The following DLG1 variants were observed in gnomAD, a reference collection of about 807,000 sequenced individuals.
DLG1 encodes disks large homolog 1.
DLG1 carries 42 observed loss-of-function variants against 123.4 expected under a neutral mutation model. The observed-to-expected ratio is 0.34, with a 90% confidence interval of 0.27 to 0.44. The LOEUF (loss-of-function observed/expected upper bound fraction) is 0.44, where lower values mean the gene tolerates loss of function less well. Among genes scored for constraint, DLG1 ranks in the 20% least tolerant of loss-of-function variants. The pLI, the probability that DLG1 is intolerant of heterozygous loss-of-function variation, is 1.00. For missense variants in DLG1, 942 were observed against 1,082.6 expected (o/e 0.87, Z 1.82); for synonymous variants, 317 against 356.2 (o/e 0.89, Z 1.24).
chr3:197,104,925 A>G lies in DLG1; in HGVS notation c.1524T>C (p.Ile508=), dbSNP rs766179146. 7 of 1,613,254 alleles carry G rather than the reference A, an allele frequency of 4.3e-6. No individual in the cohort carries two copies. The East Asian group carries it at 1.6e-4, about 36-fold the overall frequency. Residue 508 remains isoleucine (I), a synonymous_variant, in exon 14 of 25, where the codon ATT becomes ATC. Transcript: ENST00000667157. ...TACCTTCAGGTCGATATTGTGCAACAATTGTGACAGCCTGGCCAGCATTTT... is the reference window on the plus strand; with the variant it reads ...TACCTTCAGGTCGATATTGTGCAACGATTGTGACAGCCTGGCCAGCATTTT... ...ALKNAGQAVT[I]VAQYRPEEYS...
intron 4 of DLG1, among the ~76,000 whole-genome samples, chr3:197,228,463 T>C (rs1741110327): frequency 6.6e-6 from 1 of 152,252 alleles, no homozygotes; most frequent in Admixed American, 6.5e-5. Context: ...TCAACTATGA[T>C]AATATTGTGC....
chr3:197,143,062 A>C (rs759864091), intron 6 of DLG1, among the ~76,000 whole-genome samples: 1 of 152,212 alleles, frequency 6.6e-6, no homozygotes, highest in Non-Finnish European at 1.5e-5. Flanking sequence ...ACATCTAATC[A>C]GTTACCAACT....
intron 4 of DLG1, among the ~76,000 whole-genome samples, chr3:197,257,622 C>T (rs1206547413): frequency 6.6e-6 from 1 of 152,058 alleles, no homozygotes; most frequent in African/African-American, 2.4e-5. Flanking sequence ...CTCCAGCTTG[C>T]CTTAATGAAA....
intron 10 of DLG1, among the ~76,000 whole-genome samples, chr3:197,133,698 G>C (rs1207985700): frequency 6.6e-6 from 1 of 152,204 alleles, no homozygotes; most frequent in African/African-American, 2.4e-5. Context: ...AATGGACAAG[G>C]AGTGAGTTCT....
chr3:197,112,576 C>T (rs1006996824), intron 13 of DLG1, among the ~76,000 whole-genome samples: 5 of 151,810 alleles, frequency 3.3e-5, no homozygotes, highest in African/African-American at 9.7e-5. Context: ...TGTGGCTTGC[C>T]TATTTGGTTT....
At chr3:197,214,743 AAT>A (rs1733178486) in intron 4 of DLG1, among the ~76,000 whole-genome samples, 1 of 152,202 alleles carries the variant, frequency 6.6e-6, no homozygotes, top group African/African-American at 2.4e-5. Context: ...TGAAATTTAT[AAT>A]AAAGTCTTAC....
At chr3:197,077,130 C>CT (rs1036603706) in intron 17 of DLG1, among the ~76,000 whole-genome samples, 4 of 151,904 alleles carry the variant, frequency 2.6e-5, no homozygotes, top group African/African-American at 9.7e-5. Context: ...TCCTTTATCT[C>CT]TTTTTTTGTG....
At chr3:197,228,264 G>A (rs771121872) in intron 4 of DLG1, among the ~76,000 whole-genome samples, 9 of 152,120 alleles carry the variant, frequency 5.9e-5, no homozygotes, top group Admixed American at 2.0e-4. Context: ...GGTTGTACAC[G>A]CTGAGTCTTA....
intron 4 of DLG1, among the ~76,000 whole-genome samples, chr3:197,271,071 A>G (rs1336646278): frequency 6.6e-6 from 1 of 152,192 alleles, no homozygotes; most frequent in African/African-American, 2.4e-5. Flanking sequence ...ACTGTACCAG[A>G]TTTGGTATGT....
chr3:197,050,611 G>A (rs1422245043), intron 24 of DLG1, among the ~76,000 whole-genome samples: 1 of 152,136 alleles, frequency 6.6e-6, no homozygotes. Flanking sequence ...TTTATACGTG[G>A]AATCTAAAAA....
rs1457099970 is a variant in DLG1 at position 197,127,436 on chromosome 3, AAAAAAAAAAAAAAAAAAAAAAATATATAT to A, written c.1165+3062_1165+3090del. On this transcript the variant is annotated intron_variant, in intron 11 of 24. Coordinates refer to ENST00000667157, the MANE Select transcript of DLG1 (RefSeq NM_001366207.1). ...AGATTCTGTCTCCAAAAAAAAAAAA[AAAAAAAAAAAAAAAAAAAAAAATATATAT>A]ATATATATATATATATATATATATA... 5.0e-3 allele frequency among the ~76,000 whole-genome samples: 221 copies of A among 44,410 alleles called. 3 individuals are homozygous for A. The highest frequency in any genetic ancestry group is 0.021 in the African/African-American group (211 of 10,150). 29.1% of individuals were successfully genotyped at this position (44,410 alleles called of 152,430 possible). A position where few individuals can be genotyped will look rare whatever the true frequency, so the allele number is the denominator to read the frequency against.
At chr3:197,055,806 C>A (rs928446985) in intron 23 of DLG1, among the ~76,000 whole-genome samples, 15 of 152,260 alleles carry the variant, frequency 9.9e-5, no homozygotes, top group Non-Finnish European at 1.9e-4. Context: ...CCCTTTAAAT[C>A]TTTAAGTCAC....
chr3:197,215,189 T>C (rs1235478688), intron 4 of DLG1, among the ~76,000 whole-genome samples: 1 of 152,154 alleles, frequency 6.6e-6, no homozygotes, highest in Non-Finnish European at 1.5e-5. Context: ...ATTAAGATAA[T>C]GCGTAATGGC....
chr3:197,090,042 G>T (rs905574352), intron 15 of DLG1, among the ~76,000 whole-genome samples: 1 of 152,142 alleles, frequency 6.6e-6, no homozygotes, highest in Non-Finnish European at 1.5e-5. Flanking sequence ...ACCTGTTTGT[G>T]TGTATAGATA....
At chr3:197,136,772 A>C (rs1785227922) in intron 9 of DLG1, 94 bp from the exon 10 acceptor site, 1 of 1,075,678 alleles carries the variant, frequency 9.3e-7, no homozygotes. Flanking sequence ...ATTCCCTCAC[A>C]CTAATATTTT....
chr3:197,075,842 C>T (rs1209314980), intron 18 of DLG1: 4 of 1,611,792 alleles, frequency 2.5e-6, no homozygotes, highest in Non-Finnish European at 3.4e-6. Flanking sequence ...CTTACTCAGG[C>T]CTTTTGATCC....
intron 17 of DLG1, 28 bp downstream of exon 17, chr3:197,081,023 C>T (rs1373405123): frequency 3.1e-6 from 5 of 1,596,616 alleles, no homozygotes; most frequent in East Asian, 2.2e-5. Context: ...ACAGGAATTA[C>T]AAAAATGTAG....
At chr3:197,080,267 CTTTTTTTTTTTTTTT>C (rs767056279) in intron 17 of DLG1, among the ~76,000 whole-genome samples, 1 of 51,870 alleles carries the variant, frequency 1.9e-5, no homozygotes, top group South Asian at 1.0e-3. Context: ...GATATATTTC[CTTTTTTTTTTTTTTT>C]TTTTTTTTTT....
rs909459664 is a variant in DLG1, at chr3:197,101,487, G to A, written c.1546+3416C>T. On this transcript the variant is annotated intron_variant, in intron 14 of 24. Coordinates refer to ENST00000667157, the MANE Select transcript of DLG1 (RefSeq NM_001366207.1). ...TGCAAGCTCGGCCTCCCGGGTTCAC[G>A]CCATTCTCCTGCCTCAGCCTCGCGA... Among the ~76,000 whole-genome samples, 6 of 151,830 alleles carry A rather than the reference G, an allele frequency of 4.0e-5. No individual in the cohort carries two copies. The East Asian group carries it at 7.7e-4, about 20-fold the overall frequency.
Sources: allele counts gnomAD v4.1 joint callset (sites outside exome capture counted in the v4.1 genomes callset), GRCh38; gene constraint gnomAD v4.1.1; transcripts MANE v1.5; gene names NCBI Gene and HGNC (gene_info 2026-07-23, HGNC 2026-07-21).